The following SCLT1 variants were observed in gnomAD, a reference collection of about 807,000 sequenced individuals.
SCLT1 encodes the protein sodium channel and clathrin linker 1.
SCLT1 carries 78 observed loss-of-function variants against 112.8 expected under a neutral mutation model. The observed-to-expected ratio is 0.69, with a 90% CI of 0.58 to 0.83. The LOEUF is 0.83. Among genes scored for constraint, SCLT1 ranks in the 40% least tolerant of loss-of-function variants. The pLI is 0.00. For synonymous variants in SCLT1, 257 were observed against 254.7 expected (o/e 1.01, Z -0.09); for missense variants, 747 against 770.4 (o/e 0.97, Z 0.36).
In SCLT1 at chr4:128,975,139, C is replaced by T. The variant is rs191751321; in HGVS notation, c.687-4671G>A. On this transcript the variant is annotated intron_variant, in intron 9 of 20. Transcript: ENST00000281142. ...CTGCAAGCTCCGCCTCCTGGGTTCACGCCATTCTCTTGCCTCAGCCTCCTG... is the reference window on the plus strand; with the variant it reads ...CTGCAAGCTCCGCCTCCTGGGTTCATGCCATTCTCTTGCCTCAGCCTCCTG... 5.5e-3 allele frequency among the ~76,000 whole-genome samples: 814 copies of T among 149,274 alleles called. 5 individuals carry two copies. The highest frequency in any genetic ancestry group is 0.019 in the African/African-American group (759 of 40,378).
chr4:128,959,885 GT>G, intron 11 of SCLT1, 108 bp from the exon 12 acceptor site: 1 of 797,816 alleles, frequency 1.3e-6, no homozygotes, highest in Non-Finnish European at 2.0e-6. Flanking sequence ...ACTTTCACAT[GT>G]ATTAATATTT....
chr4:129,026,391 G>A (rs1459805360), intron 5 of SCLT1, among the ~76,000 whole-genome samples: 1 of 152,084 alleles, frequency 6.6e-6, no homozygotes, highest in Non-Finnish European at 1.5e-5. Context: ...TCAGGACTAA[G>A]AAACTCACTC....
At chr4:128,960,943 A>AAAAG (rs1739663917) in intron 11 of SCLT1, among the ~76,000 whole-genome samples, 1 of 150,000 alleles carries the variant, frequency 6.7e-6, no homozygotes, top group South Asian at 2.1e-4. Flanking sequence ...AAAAAAAAAA[A>AAAAG]AAAAAGAACT....
intron 5 of SCLT1, among the ~76,000 whole-genome samples, chr4:129,010,576 A>C (rs1288528767): frequency 6.6e-6 from 1 of 152,068 alleles, no homozygotes; most frequent in African/African-American, 2.4e-5. Flanking sequence ...TTGTTTGTGT[A>C]ATCTTTGATT....
chr4:128,928,273 T>C (rs1171281704), intron 18 of SCLT1, among the ~76,000 whole-genome samples: 2 of 152,122 alleles, frequency 1.3e-5, no homozygotes, highest in East Asian at 3.8e-4. Context: ...CAATTTGTTT[T>C]TGAGGCTAAC....
At chr4:128,907,202 A>T (rs77281994) in intron 18 of SCLT1, among the ~76,000 whole-genome samples, 1,670 of 152,314 alleles carry the variant, frequency 0.011, 12 homozygotes, top group Non-Finnish European at 0.018. Flanking sequence ...AGAACCTTAT[A>T]AGTCGTAACA....
At chr4:129,013,275 G>A (rs140333232) in intron 5 of SCLT1, among the ~76,000 whole-genome samples, 306 of 152,102 alleles carry the variant, frequency 2.0e-3, no homozygotes, top group Middle Eastern at 6.8e-3. Flanking sequence ...GTTTGCTAAG[G>A]TTGTGCCTTT....
At chr4:128,996,563 G>A (rs1192867643) in intron 8 of SCLT1, among the ~76,000 whole-genome samples, 4 of 151,942 alleles carry the variant, frequency 2.6e-5, no homozygotes, top group Non-Finnish European at 5.9e-5. Context: ...TTATCACTTT[G>A]CTTGCTCCCT....
At chr4:128,933,337 T>C (rs1023702125) in intron 18 of SCLT1, among the ~76,000 whole-genome samples, 3 of 152,118 alleles carry the variant, frequency 2.0e-5, no homozygotes, top group Non-Finnish European at 4.4e-5. Context: ...GACTTTTTTT[T>C]CTTTACTTAA....
At chr4:128,881,255 A>G (rs1258195802), downstream of SCLT1, among the ~76,000 whole-genome samples, 3 of 152,228 alleles carry the variant, frequency 2.0e-5, no homozygotes, top group African/African-American at 7.2e-5. Context: ...ATTATTTTTG[A>G]TAAAAATTTT....
intron 2 of SCLT1, among the ~76,000 whole-genome samples, chr4:129,061,003 T>G (rs1469530862): frequency 6.6e-6 from 1 of 152,094 alleles, no homozygotes; most frequent in Non-Finnish European, 1.5e-5. Context: ...TGTGGTTCTA[T>G]CCCTGGGTGG....
intron 2 of SCLT1, among the ~76,000 whole-genome samples, chr4:129,071,121 G>C (rs1750966039): frequency 6.6e-6 from 1 of 152,020 alleles, no homozygotes; most frequent in Non-Finnish European, 1.5e-5. Flanking sequence ...CCAGTTTTAT[G>C]CCACTGTGGT....
At chr4:128,957,728 T>C (rs757442721) in intron 12 of SCLT1, among the ~76,000 whole-genome samples, 13 of 152,152 alleles carry the variant, frequency 8.5e-5, no homozygotes, top group Non-Finnish European at 2.9e-5. Context: ...ATCTCTTTTA[T>C]ACTCCCTTGA....
chr4:128,882,331 A>C (rs868866889), downstream of SCLT1, among the ~76,000 whole-genome samples: 1 of 152,196 alleles, frequency 6.6e-6, no homozygotes, highest in African/African-American at 2.4e-5. Context: ...AAAATAAGCT[A>C]TGTGCCTCCC....
intron 18 of SCLT1, among the ~76,000 whole-genome samples, chr4:128,905,933 C>T (rs1173976696): frequency 6.6e-6 from 1 of 151,616 alleles, no homozygotes; most frequent in Admixed American, 6.6e-5. Context: ...TTTGTTGGTT[C>T]TGATTGTTAT....
chr4:128,970,108 G>A (rs1247160397), intron 10 of SCLT1, among the ~76,000 whole-genome samples: 1 of 152,114 alleles, frequency 6.6e-6, no homozygotes, highest in Non-Finnish European at 1.5e-5. Context: ...ACTGAAACTT[G>A]ATCTTGTATC....
intron 18 of SCLT1, among the ~76,000 whole-genome samples, chr4:128,932,007 T>A (rs917287450): frequency 1.3e-5 from 2 of 152,102 alleles, no homozygotes; most frequent in Non-Finnish European, 2.9e-5. Flanking sequence ...ATGTTGTCCA[T>A]CTTCCTCTAA....
intron 18 of SCLT1, among the ~76,000 whole-genome samples, chr4:128,915,345 T>C (rs1735395573): frequency 6.6e-6 from 1 of 152,222 alleles, no homozygotes; most frequent in African/African-American, 2.4e-5. Context: ...TTGTGCAATA[T>C]TTCTCCTCTG....
intron 5 of SCLT1, chr4:128,874,116 G>C (rs1426466681): frequency 2.0e-5 from 3 of 152,504 alleles, no homozygotes; most frequent in Admixed American, 2.0e-4. Context: ...ATAATAGAAG[G>C]TTCTTATGAA....
Sources: allele counts gnomAD v4.1 joint callset (sites outside exome capture counted in the v4.1 genomes callset), GRCh38; gene constraint gnomAD v4.1.1; transcripts MANE v1.5; gene names NCBI Gene and HGNC (gene_info 2026-07-23, HGNC 2026-07-21).